Variants in ENOX2 observed in about 807,000 individuals in gnomAD.
ENOX2 encodes ecto-NOX disulfide-thiol exchanger 2.
A neutral mutation model predicts 45.0 loss-of-function variants in ENOX2; 36 were observed. The observed-to-expected ratio is 0.80, with a 90% CI of 0.61 to 1.06. The LOEUF is 1.06. Among genes scored for constraint, ENOX2 ranks in the 50% least tolerant of loss-of-function variants. The pLI is 0.00. For synonymous variants in ENOX2, 174 were observed against 152.3 expected (o/e 1.14, Z -1.05); for missense variants, 423 against 462.5 (o/e 0.91, Z 0.78).
At chrX:130,668,319 C>T (rs1471305273) in intron 7 of ENOX2, among the ~76,000 whole-genome samples, 1 of 111,757 alleles carries the variant, frequency 8.9e-6, no homozygotes, top group Non-Finnish European at 1.9e-5. Context: ...TCTTTAGATA[C>T]AAACATGCAC....
chrX:130,710,013 G>T (rs1048398097), intron 3 of ENOX2, among the ~76,000 whole-genome samples: 16 of 110,908 alleles, frequency 1.4e-4, no homozygotes, highest in African/African-American at 5.3e-4. Context: ...AGAACATATG[G>T]TATTTGGTTT....
intron 4 of ENOX2, among the ~76,000 whole-genome samples, chrX:130,693,576 A>G (rs926801536): frequency 3.6e-5 from 4 of 112,430 alleles, no homozygotes; most frequent in African/African-American, 1.3e-4. Context: ...CAATGGTTTC[A>G]ATGAATTAAT....
At chrX:130,658,252 A>T (rs985235566) in intron 9 of ENOX2, among the ~76,000 whole-genome samples, 4 of 111,642 alleles carry the variant, frequency 3.6e-5, no homozygotes, top group African/African-American at 9.7e-5. Context: ...TACCTGAAAT[A>T]AAAATAACCA....
Position 130,679,530 on chromosome X carries a change from C to T in ENOX2, c.460+12G>A. The stretch of plus-strand genomic sequence containing the variant: ...TGCCTGGTGGGCACAATCCTCACAT[C>T]TAAACACCTACCAGACAGATACAGG... On this transcript the variant is annotated intron_variant, in intron 6 of 14. Coordinates refer to ENST00000394363, the MANE Select transcript of ENOX2 (RefSeq NM_006375.4). The T allele has an allele frequency of 8.4e-7, 1 of 1,188,834 alleles. No individual in the cohort carries two copies. Among genetic ancestry groups the T allele is most frequent in the Non-Finnish European group, 1.1e-6 (1 of 874,705 alleles).
chrX:130,816,023 C>T (rs181656063), intron 2 of ENOX2, among the ~76,000 whole-genome samples: 64 of 111,432 alleles, frequency 5.7e-4, no homozygotes, highest in Non-Finnish European at 9.6e-4. Flanking sequence ...AAGACACACA[C>T]AGGCTCAAAA....
At chrX:130,763,413 G>T (rs1291267073) in intron 3 of ENOX2, among the ~76,000 whole-genome samples, 4 of 111,287 alleles carry the variant, frequency 3.6e-5, no homozygotes, top group African/African-American at 1.3e-4. Context: ...AAATACAGTC[G>T]TGAATCTCCT....
chrX:130,718,219 T>C (rs914220783), intron 3 of ENOX2, among the ~76,000 whole-genome samples: 2 of 112,248 alleles, frequency 1.8e-5, no homozygotes, highest in African/African-American at 6.5e-5. Flanking sequence ...GTAATTATTT[T>C]GTAACATGGT....
chrX:130,824,539 A>G (rs2077679301), intron 2 of ENOX2, among the ~76,000 whole-genome samples: 1 of 111,964 alleles, frequency 8.9e-6, no homozygotes. Flanking sequence ...TTATATTTAA[A>G]GAATAGGACC....
At chrX:130,667,927 T>G (rs1485552069) in intron 7 of ENOX2, among the ~76,000 whole-genome samples, 185 bp from the exon 8 acceptor site, 1 of 110,964 alleles carries the variant, frequency 9.0e-6, no homozygotes, top group African/African-American at 3.3e-5. Context: ...ACAGGAAGAA[T>G]GGAAGGATCA....
intron 10 of ENOX2, among the ~76,000 whole-genome samples, chrX:130,647,284 C>T (rs2036261089): frequency 8.9e-6 from 1 of 112,468 alleles, no homozygotes; most frequent in South Asian, 3.7e-4. Flanking sequence ...CAGAGATGTA[C>T]CTAACAGCTT....
chrX:130,708,198 G>A (rs1191776438), intron 3 of ENOX2, among the ~76,000 whole-genome samples: 1 of 112,227 alleles, frequency 8.9e-6, no homozygotes, highest in Non-Finnish European at 1.9e-5. Flanking sequence ...ATTAGATAAT[G>A]TGGGTAAAGA....
At chrX:130,893,624 T>C in intron 2 of ENOX2, among the ~76,000 whole-genome samples, 1 of 112,509 alleles carries the variant, frequency 8.9e-6, no homozygotes. Flanking sequence ...ATTTACAGTA[T>C]CTGAGTCAGG....
At chrX:130,692,206 T>C (rs1448441136) in intron 4 of ENOX2, among the ~76,000 whole-genome samples, 1 of 113,258 alleles carries the variant, frequency 8.8e-6, no homozygotes, top group Non-Finnish European at 1.9e-5. Flanking sequence ...AGAAAACCAT[T>C]TGAAGTCATG....
At chrX:130,694,522 CA>C (rs1384609733) in intron 4 of ENOX2, among the ~76,000 whole-genome samples, 1 of 110,065 alleles carries the variant, frequency 9.1e-6, no homozygotes. Flanking sequence ...TGATGTCTGA[CA>C]AAGACATCAC....
chrX:130,661,317 T>C (rs1340161956), intron 9 of ENOX2, among the ~76,000 whole-genome samples: 1 of 109,601 alleles, frequency 9.1e-6, no homozygotes, highest in Non-Finnish European at 1.9e-5. Flanking sequence ...GCCTCCCAAG[T>C]AGCTGGGAAC....
At chrX:130,686,998 G>A (rs908776795) in intron 5 of ENOX2, among the ~76,000 whole-genome samples, 2 of 111,783 alleles carry the variant, frequency 1.8e-5, no homozygotes, top group Non-Finnish European at 3.8e-5. Flanking sequence ...CTCACTCTGT[G>A]AGAGGTTCTT....
At chrX:130,659,526 A>G (rs1192997800) in intron 9 of ENOX2, among the ~76,000 whole-genome samples, 1 of 112,523 alleles carries the variant, frequency 8.9e-6, no homozygotes, top group Non-Finnish European at 1.9e-5. Context: ...CAATAAAGGA[A>G]TTTCTCATTT....
intron 3 of ENOX2, among the ~76,000 whole-genome samples, chrX:130,747,343 T>C (rs2039120559): frequency 9.0e-6 from 1 of 111,535 alleles, no homozygotes; most frequent in Non-Finnish European, 1.9e-5. Flanking sequence ...AACCTATTTA[T>C]ATGAGAAATG....
At chrX:130,640,163 A>AC (rs201230625) in intron 10 of ENOX2, among the ~76,000 whole-genome samples, 1,449 of 111,396 alleles carry the variant, frequency 0.013, 22 homozygotes, top group African/African-American at 0.045. Flanking sequence ...TGACCTAATC[A>AC]CCCCCAAGGG....
Sources: allele counts gnomAD v4.1 joint callset (sites outside exome capture counted in the v4.1 genomes callset), GRCh38; gene constraint gnomAD v4.1.1; transcripts MANE v1.5; gene names NCBI Gene and HGNC (gene_info 2026-07-23, HGNC 2026-07-21).